The following CSMD1 variants were observed in gnomAD, a reference collection of about 807,000 sequenced individuals.
CSMD1 encodes the protein CUB and sushi domain-containing protein 1.
A neutral mutation model predicts 417.5 loss-of-function variants in CSMD1; 213 were observed. That is an observed-to-expected ratio of 0.51 (90% CI 0.46 to 0.57). CSMD1 has a LOEUF of 0.57. Ranked by LOEUF, CSMD1 falls within the 20% of genes least tolerant of loss-of-function variation. CSMD1 has a pLI of 0.00. For synonymous variants in CSMD1, 2,862 were observed against 1,736.8 expected (o/e 1.65, Z -16.11); for missense variants, 6,923 against 4,529.7 (o/e 1.53, Z -15.17).
chr8:4,683,691 C>T lies in CSMD1; in HGVS notation c.86-46133G>A, dbSNP rs7828450. Among the ~76,000 whole-genome samples the T allele has an allele frequency of 2.2e-3, 328 of 152,334 alleles. 3 individuals carry two copies. Among genetic ancestry groups the T allele is most frequent in the African/African-American group, 7.5e-3 (313 of 41,570 alleles). On this transcript the variant is annotated intron_variant, in intron 1 of 69. Transcript: ENST00000635120. ...CCAGCCAGTCCAGTGGCTCTGTTTC[C>T]TTGGGGTCCCACCAGGGGTCCTGAT...
At chr8:3,905,106 A>C (rs551948203) in intron 5 of CSMD1, among the ~76,000 whole-genome samples, 1 of 152,304 alleles carries the variant, frequency 6.6e-6, no homozygotes, top group South Asian at 2.1e-4. Context: ...AAACTGAGGC[A>C]ATTTTAATAT....
At chr8:4,779,164 T>G (rs982716900) in intron 1 of CSMD1, among the ~76,000 whole-genome samples, 2 of 152,232 alleles carry the variant, frequency 1.3e-5, no homozygotes, top group Non-Finnish European at 2.9e-5. Flanking sequence ...GTCTTCGGTT[T>G]AAAATATTTT....
intron 1 of CSMD1, among the ~76,000 whole-genome samples, chr8:4,784,647 A>G (rs1797309674): frequency 1.3e-5 from 2 of 152,316 alleles, no homozygotes; most frequent in African/African-American, 4.8e-5. Flanking sequence ...TTATGCCTCC[A>G]TTAAAAGAAG....
At chr8:3,832,543 A>G (rs117871360) in intron 5 of CSMD1, among the ~76,000 whole-genome samples, 3,662 of 152,272 alleles carry the variant, frequency 0.024, 83 homozygotes, top group Non-Finnish European at 0.032. Context: ...GTCTTATTGT[A>G]TATGTCTGAA....
intron 41 of CSMD1, among the ~76,000 whole-genome samples, chr8:3,129,271 A>G (rs569586537): frequency 3.9e-5 from 6 of 152,292 alleles, no homozygotes; most frequent in African/African-American, 1.4e-4. Context: ...CTGATAATTG[A>G]TTTTTGTAAA....
At chr8:4,470,780 ATATT>A (rs1254836959) in intron 2 of CSMD1, among the ~76,000 whole-genome samples, 1 of 152,222 alleles carries the variant, frequency 6.6e-6, no homozygotes, top group African/African-American at 2.4e-5. Flanking sequence ...TATTTAGACA[ATATT>A]TAAGGATTGT....
intron 3 of CSMD1, among the ~76,000 whole-genome samples, chr8:4,163,642 G>T (rs1584938963): frequency 6.6e-6 from 1 of 152,106 alleles, no homozygotes; most frequent in South Asian, 2.1e-4. Context: ...CATATGGTAA[G>T]TGGAGTAAAA....
chr8:3,849,311 G>T (rs946500701), intron 5 of CSMD1, among the ~76,000 whole-genome samples: 1 of 152,158 alleles, frequency 6.6e-6, no homozygotes, highest in African/African-American at 2.4e-5. Context: ...GACTGGGAAG[G>T]AAGTTTCTGC....
intron 12 of CSMD1, among the ~76,000 whole-genome samples, chr8:3,420,199 T>G (rs1005335136): frequency 2.0e-5 from 3 of 152,160 alleles, no homozygotes; most frequent in Non-Finnish European, 4.4e-5. Flanking sequence ...ATACAACTAC[T>G]TTATGATATT....
chr8:4,383,124 A>T (rs1487612382), intron 3 of CSMD1, among the ~76,000 whole-genome samples: 1 of 152,176 alleles, frequency 6.6e-6, no homozygotes, highest in South Asian at 2.1e-4. Context: ...CCTGTGTATT[A>T]AACTAAGCAA....
chr8:4,228,202 T>G (rs1020514071), intron 3 of CSMD1, among the ~76,000 whole-genome samples: 3 of 152,212 alleles, frequency 2.0e-5, no homozygotes, highest in African/African-American at 7.2e-5. Context: ...CATCCAGGTT[T>G]CCTTGGCTGC....
intron 1 of CSMD1, among the ~76,000 whole-genome samples, chr8:4,891,465 T>C (rs1585273763): frequency 6.6e-6 from 1 of 152,166 alleles, no homozygotes; most frequent in Admixed American, 6.5e-5. Flanking sequence ...GTTTACAATG[T>C]TTTTCTTAAT....
chr8:3,192,126 G>A (rs929985532), intron 33 of CSMD1, among the ~76,000 whole-genome samples: 2 of 152,152 alleles, frequency 1.3e-5, no homozygotes, highest in Non-Finnish European at 1.5e-5. Context: ...TCAATTTGGT[G>A]TTGAGATATT....
At chr8:4,918,524 T>C (rs753761332) in intron 1 of CSMD1, among the ~76,000 whole-genome samples, 4 of 151,832 alleles carry the variant, frequency 2.6e-5, no homozygotes, top group Non-Finnish European at 4.4e-5. Context: ...AGGACAGGGA[T>C]ATAAATGTGA....
chr8:4,225,922 C>G (rs1801320335), intron 3 of CSMD1, among the ~76,000 whole-genome samples: 1 of 152,000 alleles, frequency 6.6e-6, no homozygotes, highest in South Asian at 2.1e-4. Flanking sequence ...CTAATAATTT[C>G]TTATTTGGTA....
intron 12 of CSMD1, among the ~76,000 whole-genome samples, chr8:3,417,902 C>A (rs1279640438): frequency 6.6e-6 from 1 of 152,176 alleles, no homozygotes; most frequent in African/African-American, 2.4e-5. Context: ...TTACTGAAAA[C>A]CATATGACAC....
At chr8:4,182,462 C>T (rs535821364) in intron 3 of CSMD1, among the ~76,000 whole-genome samples, 53 of 152,246 alleles carry the variant, frequency 3.5e-4, no homozygotes, top group Admixed American at 1.3e-3. Flanking sequence ...TGGATTAAAA[C>T]ATTGTTTTAA....
intron 5 of CSMD1, among the ~76,000 whole-genome samples, chr8:3,765,551 G>A (rs2129057245): frequency 6.6e-6 from 1 of 152,298 alleles, no homozygotes; most frequent in South Asian, 2.1e-4. Flanking sequence ...TATTCTGTAT[G>A]CACTAAAGCC....
rs1811695123 is a variant in CSMD1, at chr8:3,396,304, T to A, written c.2483A>T (p.Tyr828Phe). The A allele has an allele frequency of 2.5e-6, 4 of 1,606,478 alleles. No individual in the cohort carries two copies. The highest frequency in any genetic ancestry group is 1.1e-5 in the South Asian group (1 of 89,070). The change falls in exon 17 of 70, where the codon TAC becomes TTC. Residue 828 changes from tyrosine (Y) to phenylalanine (F), a missense_variant. Tyr to Phe is a conservative substitution (Grantham distance 22). Transcript: ENST00000635120. ...PASSSPLIGE[Y>F]HGTQAPQFLI... ...GAACTGGGGTGCCTGGGTGCCGTGGTACTCGCCGATCAGTGGGGACGAACT... is the reference window on the plus strand; with the variant it reads ...GAACTGGGGTGCCTGGGTGCCGTGGAACTCGCCGATCAGTGGGGACGAACT...
Sources: allele counts gnomAD v4.1 joint callset (sites outside exome capture counted in the v4.1 genomes callset), GRCh38; gene constraint gnomAD v4.1.1; transcripts MANE v1.5; gene names NCBI Gene and HGNC (gene_info 2026-07-23, HGNC 2026-07-21).